Variants in PLXNA4 observed in about 807,000 individuals in gnomAD.
PLXNA4 encodes plexin A4.
In PLXNA4, 44 loss-of-function variants were observed where a neutral mutation model predicts 191.8. That is an observed-to-expected ratio of 0.23 (90% CI 0.18 to 0.29). The LOEUF is 0.29. Among genes scored for constraint, PLXNA4 ranks in the 10% least tolerant of loss-of-function variants. PLXNA4 has a pLI of 1.00. For missense variants in PLXNA4, 1,800 were observed against 2,488.8 expected, an observed-to-expected ratio of 0.72 and a Z score of 5.89; for synonymous variants, 1,082 against 1,009.5, an observed-to-expected ratio of 1.07 and a Z score of -1.36.
intron 6 of PLXNA4, 42 bp downstream of exon 6, chr7:132,228,304 C>A (rs1356724184): frequency 6.2e-7 from 1 of 1,610,818 alleles, no homozygotes; most frequent in African/African-American, 1.3e-5. Context: ...GGAGAGTTTT[C>A]CTTGCATCCC....
At position 132,147,942 on chromosome 7, in the gene PLXNA4, C is replaced by T. The variant is rs1194223603; in HGVS notation, c.4822G>A (p.Val1608Met). The change falls in exon 27 of 32, where the codon GTG becomes ATG. Residue 1608 changes from valine to methionine, a missense_variant. By Grantham distance (21) the Val-to-Met change is conservative. This residue lies in a region of PLXNA4 where 214 missense variants were observed against 298.2 expected (regional missense o/e 0.72). Transcript: ENST00000321063. The stretch of plus-strand genomic sequence containing the variant: ...GTCCTGGAGACGGTGGAGTTGTTCA[C>T]TGCGTTATAGGCTGTCACCTGCTTG... Reference protein sequence around the residue: ...VSKQVTAYNAVNNSTVSRTSA... With the variant: ...VSKQVTAYNAMNNSTVSRTSA... The T allele has an allele frequency of 6.2e-7, 1 of 1,614,192 alleles. No individual in the cohort carries two copies.
chr7:132,456,243 C>G (rs971202959), intron 3 of PLXNA4, among the ~76,000 whole-genome samples: 2 of 151,840 alleles, frequency 1.3e-5, no homozygotes, highest in Non-Finnish European at 1.5e-5. Flanking sequence ...TCCCGAGTAG[C>G]TGGGACTACA....
At chr7:132,205,972 C>T (rs569444095) in intron 10 of PLXNA4, among the ~76,000 whole-genome samples, 9 of 152,216 alleles carry the variant, frequency 5.9e-5, no homozygotes, top group Non-Finnish European at 1.0e-4. Flanking sequence ...TGTACTCAAA[C>T]GTGTTTATGT....
chr7:132,555,920 C>T (rs1049078147), intron 1 of PLXNA4, among the ~76,000 whole-genome samples: 3 of 152,212 alleles, frequency 2.0e-5, no homozygotes, highest in African/African-American at 7.2e-5. Context: ...TAAGCAGTGT[C>T]GAATATGCAT....
At chr7:132,149,438 TG>T in intron 25 of PLXNA4, among the ~76,000 whole-genome samples, 1 of 152,238 alleles carries the variant, frequency 6.6e-6, no homozygotes, top group South Asian at 2.1e-4. Flanking sequence ...CACGTGTAGG[TG>T]GAGAAGTGCA....
At chr7:132,141,526 A>G (rs992411858) in intron 29 of PLXNA4, among the ~76,000 whole-genome samples, 4 of 152,080 alleles carry the variant, frequency 2.6e-5, no homozygotes, top group African/African-American at 9.7e-5. Context: ...AGAAGCCTGC[A>G]TTCTGGTGGG....
intron 3 of PLXNA4, among the ~76,000 whole-genome samples, chr7:132,456,752 G>A (rs1243671181): frequency 6.6e-6 from 1 of 152,234 alleles, no homozygotes; most frequent in East Asian, 1.9e-4. Context: ...CAATCAGAAA[G>A]GCTGAGGGCA....
intron 2 of PLXNA4, among the ~76,000 whole-genome samples, chr7:132,623,995 T>C (rs917119433): frequency 1.3e-5 from 2 of 152,238 alleles, no homozygotes; most frequent in Non-Finnish European, 2.9e-5. Flanking sequence ...CCATCACTAA[T>C]AGTCACAGCA....
chr7:132,283,301 CAGT>C (rs201512517), intron 4 of PLXNA4, among the ~76,000 whole-genome samples: 1,828 of 152,278 alleles, frequency 0.012, 29 homozygotes, highest in African/African-American at 0.041. Flanking sequence ...TAACTGGCAG[CAGT>C]AGGAGGCAGA....
intron 3 of PLXNA4, among the ~76,000 whole-genome samples, chr7:132,331,088 C>T (rs1207396797): frequency 3.3e-5 from 5 of 152,184 alleles, no homozygotes; most frequent in African/African-American, 1.2e-4. Flanking sequence ...GCAGTAGCAA[C>T]AACTCCTTGG....
At chr7:132,219,340 C>A (rs576015258) in intron 9 of PLXNA4, among the ~76,000 whole-genome samples, 2 of 152,210 alleles carry the variant, frequency 1.3e-5, no homozygotes, top group Non-Finnish European at 2.9e-5. Flanking sequence ...GCCAGCCCCC[C>A]TGACCACTTT....
intron 1 of PLXNA4, among the ~76,000 whole-genome samples, chr7:132,522,792 C>T (rs2116375417): frequency 6.6e-6 from 1 of 152,218 alleles, no homozygotes; most frequent in Middle Eastern, 3.4e-3. Context: ...AATAAACAAA[C>T]CCCAAAGCCA....
At chr7:132,150,545 C>T (rs1338830584) in intron 25 of PLXNA4, among the ~76,000 whole-genome samples, 1 of 152,184 alleles carries the variant, frequency 6.6e-6, no homozygotes, top group Non-Finnish European at 1.5e-5. Flanking sequence ...CAGCATTCTG[C>T]TTTCCTCATA....
At chr7:132,281,702 G>A (rs1025531874) in intron 4 of PLXNA4, among the ~76,000 whole-genome samples, 4 of 152,080 alleles carry the variant, frequency 2.6e-5, no homozygotes, top group Middle Eastern at 3.2e-3. Flanking sequence ...GAAAGATTAA[G>A]TGTTTATTTT....
At chr7:132,333,370 C>T (rs1802674944) in intron 3 of PLXNA4, among the ~76,000 whole-genome samples, 1 of 152,240 alleles carries the variant, frequency 6.6e-6, no homozygotes, top group African/African-American at 2.4e-5. Context: ...TGAGCTGGAG[C>T]TCCCGTGCAT....
intron 3 of PLXNA4, among the ~76,000 whole-genome samples, chr7:132,377,330 T>C (rs939304838): frequency 2.6e-5 from 4 of 151,532 alleles, no homozygotes; most frequent in African/African-American, 9.7e-5. Context: ...CTCCTTTTTA[T>C]AGCCTCCCCT....
intron 5 of PLXNA4, among the ~76,000 whole-genome samples, chr7:132,234,965 G>C (rs555071611): frequency 2.6e-5 from 4 of 152,204 alleles, no homozygotes; most frequent in Admixed American, 2.0e-4. Flanking sequence ...TAAAAAATGA[G>C]ATAGCAAGGC....
chr7:132,501,387 G>C (rs970155129), intron 2 of PLXNA4, among the ~76,000 whole-genome samples: 1 of 152,200 alleles, frequency 6.6e-6, no homozygotes, highest in African/African-American at 2.4e-5. Flanking sequence ...AGTATTGTGA[G>C]AGCACACATC....
In PLXNA4 at chr7:132,481,660, G is replaced by A. The variant is rs1395184064; in HGVS notation, c.1371+7632C>T. Among the ~76,000 whole-genome samples the A allele has an allele frequency of 2.6e-5, 4 of 152,156 alleles. No individual in the cohort carries two copies. The East Asian group carries it at 7.7e-4, about 29-fold the overall frequency. On this transcript the variant is annotated intron_variant, in intron 3 of 31. Coordinates refer to ENST00000321063, the MANE Select transcript of PLXNA4 (RefSeq NM_020911.2). ...TTTTCTGCCAGCCCCAAACACTAAG[G>A]AAACGACCCCTTCCTAAGATGCTGG... is the stretch of plus-strand genomic sequence containing the variant.
Sources: allele counts gnomAD v4.1 joint callset (sites outside exome capture counted in the v4.1 genomes callset), GRCh38; gene constraint gnomAD v4.1.1; regional missense constraint gnomAD v4.1.1; transcripts MANE v1.5; gene names NCBI Gene and HGNC (gene_info 2026-07-23, HGNC 2026-07-21).